The following SLC44A5 variants were observed in gnomAD, a reference collection of about 807,000 sequenced individuals.
SLC44A5 encodes the protein choline transporter-like protein 5.
Under a neutral mutation model 101.8 loss-of-function variants are expected in SLC44A5, and 57 were observed. The ratio of observed to expected loss-of-function variants is 0.56; its 90% CI spans 0.45 to 0.70. The LOEUF is 0.70. SLC44A5 is among the 30% of genes least tolerant of loss of function. SLC44A5 has a pLI of 0.00. For missense variants in SLC44A5, 737 were observed against 853.1 expected (o/e 0.86, Z 1.70); for synonymous variants, 281 against 290.9 (o/e 0.97, Z 0.35).
chr1:75,654,607 A>G, the SLC44A5 span, among the ~76,000 whole-genome samples: 1 of 152,102 alleles, frequency 6.6e-6, no homozygotes, highest in African/African-American at 2.4e-5. Flanking sequence ...TGGATTCATG[A>G]TTTTAGGTGT....
At chr1:75,587,853 C>A (rs1674105388) in intron 1 of SLC44A5, among the ~76,000 whole-genome samples, 1 of 152,162 alleles carries the variant, frequency 6.6e-6, no homozygotes, top group African/African-American at 2.4e-5. Flanking sequence ...CTTCTGCAAT[C>A]AACACAACCT....
chr1:75,376,118 G>A (rs545786223), intron 3 of SLC44A5, among the ~76,000 whole-genome samples: 3 of 152,356 alleles, frequency 2.0e-5, no homozygotes, highest in African/African-American at 4.8e-5. Context: ...CAAATACTGC[G>A]CTTTTCCGAC....
intron 6 of SLC44A5, among the ~76,000 whole-genome samples, chr1:75,253,545 C>T (rs534478262): frequency 2.0e-5 from 3 of 152,312 alleles, no homozygotes; most frequent in Middle Eastern, 6.8e-3. Flanking sequence ...TTGAGATCTA[C>T]AAGTGCTAAC....
chr1:75,203,908 C>T (rs950740762), intron 23 of SLC44A5, 75 bp from the exon 24 acceptor site: 4 of 1,437,046 alleles, frequency 2.8e-6, no homozygotes, highest in Non-Finnish European at 3.7e-6. Context: ...CTGCTGTATA[C>T]TCGCTTTACA....
At chr1:75,460,728 C>T (rs866379239) in intron 2 of SLC44A5, among the ~76,000 whole-genome samples, 59 of 152,152 alleles carry the variant, frequency 3.9e-4, no homozygotes, top group African/African-American at 1.3e-3. Flanking sequence ...CAAATCTCTA[C>T]TGATATTATT....
intron 14 of SLC44A5, among the ~76,000 whole-genome samples, chr1:75,222,109 A>G (rs565368325): frequency 2.6e-5 from 4 of 151,956 alleles, no homozygotes; most frequent in African/African-American, 9.6e-5. Context: ...GGCATGCGCC[A>G]CCACGCCCGG....
At chr1:75,707,692 C>T in the SLC44A5 span, among the ~76,000 whole-genome samples, 38,008 of 152,102 alleles carry the variant, frequency 0.25, 5,085 homozygotes, top group Non-Finnish European at 0.3. Flanking sequence ...AAACCCTATC[C>T]TCTTGTCATT....
At chr1:75,222,991 A>C (rs1647120138) in intron 13 of SLC44A5, among the ~76,000 whole-genome samples, 1 of 152,130 alleles carries the variant, frequency 6.6e-6, no homozygotes, top group Non-Finnish European at 1.5e-5. Context: ...TGGCCAATAT[A>C]AGTATTAGAA....
rs551622924 is a variant in SLC44A5, at chr1:75,560,798, C to T, written c.-69-19282G>A. ...AAAGATGTTTATTAATCACCTATTACGAATCACCTACTATATCTGCAAATC... is the reference window on the plus strand; with the variant it reads ...AAAGATGTTTATTAATCACCTATTATGAATCACCTACTATATCTGCAAATC... On this transcript the variant is annotated intron_variant, in intron 1 of 23. Transcript: ENST00000370859. Among the ~76,000 whole-genome samples, 22 of 152,214 alleles carry T rather than the reference C, an allele frequency of 1.4e-4. 1 individual carries two copies. The East Asian group carries it at 1.5e-3, about 11-fold the overall frequency.
intron 1 of SLC44A5, among the ~76,000 whole-genome samples, chr1:75,608,636 A>G (rs1675467695): frequency 6.6e-6 from 1 of 151,682 alleles, no homozygotes; most frequent in South Asian, 2.1e-4. Context: ...CATCTTTCTG[A>G]CTTCATTTTC....
At chr1:75,217,572 A>G (rs1305710401) in intron 18 of SLC44A5, among the ~76,000 whole-genome samples, 1 of 152,108 alleles carries the variant, frequency 6.6e-6, no homozygotes, top group African/African-American at 2.4e-5. Context: ...CTTCTCAACA[A>G]TAACATCTCA....
intron 4 of SLC44A5, among the ~76,000 whole-genome samples, chr1:75,337,609 A>T (rs928423353): frequency 1.3e-5 from 2 of 152,182 alleles, no homozygotes; most frequent in African/African-American, 4.8e-5. Context: ...TATTTTGTGA[A>T]AAGGGCCTGG....
At chr1:75,333,401 T>A (rs919962660) in intron 4 of SLC44A5, among the ~76,000 whole-genome samples, 5 of 152,016 alleles carry the variant, frequency 3.3e-5, no homozygotes, top group Non-Finnish European at 7.4e-5. Context: ...TTAACACTCA[T>A]CTTTAATATT....
chr1:75,647,801 A>G, the SLC44A5 span, among the ~76,000 whole-genome samples: 1 of 152,264 alleles, frequency 6.6e-6, no homozygotes, highest in East Asian at 1.9e-4. Context: ...CATTTACCCA[A>G]TGCCCATACT....
chr1:75,614,303 G>A (rs1044703139), upstream of SLC44A5, among the ~76,000 whole-genome samples: 6 of 152,084 alleles, frequency 3.9e-5, no homozygotes, highest in African/African-American at 9.7e-5. Context: ...TATGGAGGGG[G>A]GGAATCAGAG....
intron 2 of SLC44A5, among the ~76,000 whole-genome samples, chr1:75,476,588 CAGG>C (rs1158648859): frequency 2.0e-4 from 31 of 152,202 alleles, no homozygotes; most frequent in African/African-American, 7.5e-4. Context: ...AACAGTGCAC[CAGG>C]AGATTATATC....
chr1:75,412,791 T>C (rs944099808), intron 2 of SLC44A5, among the ~76,000 whole-genome samples: 3 of 152,158 alleles, frequency 2.0e-5, no homozygotes, highest in Admixed American at 6.6e-5. Context: ...AGGTGAATCA[T>C]CCCTTTGTCC....
chr1:75,546,834 A>C (rs1020702105), intron 1 of SLC44A5, among the ~76,000 whole-genome samples: 2 of 152,156 alleles, frequency 1.3e-5, no homozygotes, highest in Non-Finnish European at 2.9e-5. Context: ...TGAAAAAAAG[A>C]ACCATGCATG....
intron 2 of SLC44A5, among the ~76,000 whole-genome samples, chr1:75,415,345 T>G (rs1249801): frequency 0.63 from 96,351 of 152,004 alleles, 32,192 homozygotes; most frequent in East Asian, 0.96. Flanking sequence ...CTCTGCACAA[T>G]TTCTCTTTGC....
Sources: allele counts gnomAD v4.1 joint callset (sites outside exome capture counted in the v4.1 genomes callset), GRCh38; gene constraint gnomAD v4.1.1; transcripts MANE v1.5; gene names NCBI Gene and HGNC (gene_info 2026-07-23, HGNC 2026-07-21).